The following SHISA9 variants were observed in gnomAD, a reference collection of about 807,000 sequenced individuals.
The protein encoded by SHISA9 is shisa family member 9, also known as protein shisa-9.
In SHISA9, 13 loss-of-function variants were observed where a neutral mutation model predicts 38.0. The observed-to-expected ratio is 0.34, with a 90% CI of 0.22 to 0.54. The LOEUF is 0.54. Among genes scored for constraint, SHISA9 ranks in the 20% least tolerant of loss-of-function variants. The pLI is 0.91. For synonymous variants in SHISA9, 275 were observed against 242.0 expected (o/e 1.14, Z -1.27); for missense variants, 538 against 575.8 (o/e 0.93, Z 0.67).
At chr16:13,464,948 AGG>A in the SHISA9 span, among the ~76,000 whole-genome samples, 4 of 152,124 alleles carry the variant, frequency 2.6e-5, no homozygotes, top group South Asian at 6.2e-4. Context: ...GTTGATATTT[AGG>A]GGCCTAGTGG....
At chr16:13,384,557 A>G in the SHISA9 span, among the ~76,000 whole-genome samples, 2 of 152,210 alleles carry the variant, frequency 1.3e-5, no homozygotes, top group African/African-American at 2.4e-5. Flanking sequence ...ACCAAGAGCC[A>G]GGAAGCAATG....
the SHISA9 span, among the ~76,000 whole-genome samples, chr16:13,523,212 T>G: frequency 6.6e-6 from 1 of 152,042 alleles, no homozygotes; most frequent in South Asian, 2.1e-4. Context: ...TAGCCAGGCA[T>G]GGTGGCAGGC....
At chr16:12,960,344 G>A (rs550140285) in intron 2 of SHISA9, among the ~76,000 whole-genome samples, 3 of 152,158 alleles carry the variant, frequency 2.0e-5, no homozygotes, top group African/African-American at 7.2e-5. Context: ...GGTTTGTTAT[G>A]TGGGTAAATG....
At chr16:12,971,002 T>C (rs1047511892) in intron 2 of SHISA9, among the ~76,000 whole-genome samples, 4 of 152,108 alleles carry the variant, frequency 2.6e-5, no homozygotes, top group African/African-American at 7.2e-5. Flanking sequence ...CAGTTAGAGA[T>C]TGACTGAAGA....
chr16:13,386,633 C>T, the SHISA9 span, among the ~76,000 whole-genome samples: 5 of 152,174 alleles, frequency 3.3e-5, no homozygotes, highest in African/African-American at 7.2e-5. Flanking sequence ...TCTTTGAAAA[C>T]GTGTAGCATG....
chr16:13,032,109 A>C (rs1236351407), intron 2 of SHISA9, among the ~76,000 whole-genome samples: 1 of 151,858 alleles, frequency 6.6e-6, no homozygotes. Context: ...TGTACCTATC[A>C]ACCTGTCATT....
the SHISA9 span, among the ~76,000 whole-genome samples, chr16:13,537,539 G>A: frequency 6.6e-6 from 1 of 152,174 alleles, no homozygotes; most frequent in African/African-American, 2.4e-5. Flanking sequence ...ACTTATTGTT[G>A]TATTATGCAG....
intron 2 of SHISA9, among the ~76,000 whole-genome samples, chr16:13,171,581 G>A (rs896192193): frequency 9.9e-5 from 15 of 152,208 alleles, no homozygotes; most frequent in African/African-American, 3.4e-4. Context: ...TCCAGCAGAG[G>A]AAATAGTACT....
chr16:13,223,065 C>T (rs1229193137), intron 4 of SHISA9, among the ~76,000 whole-genome samples: 1 of 152,098 alleles, frequency 6.6e-6, no homozygotes, highest in Non-Finnish European at 1.5e-5. Context: ...GAGATTTGAA[C>T]CCAGATCCAT....
intron 2 of SHISA9, among the ~76,000 whole-genome samples, chr16:13,163,446 G>A (rs1206667323): frequency 1.3e-5 from 2 of 152,006 alleles, no homozygotes; most frequent in Non-Finnish European, 2.9e-5. Context: ...TTTTTACTGC[G>A]ATTGCATTGA....
intron 2 of SHISA9, among the ~76,000 whole-genome samples, chr16:13,093,999 G>T (rs1395832168): frequency 1.3e-5 from 2 of 152,110 alleles, no homozygotes; most frequent in Non-Finnish European, 2.9e-5. Context: ...CCCACTGAAG[G>T]TAGGTCCCAA....
chr16:13,042,437 G>A (rs568257196), intron 2 of SHISA9, among the ~76,000 whole-genome samples: 1 of 152,088 alleles, frequency 6.6e-6, no homozygotes, highest in Non-Finnish European at 1.5e-5. Flanking sequence ...GCTGACCCAG[G>A]CTTCCCAAAC....
intron 2 of SHISA9, among the ~76,000 whole-genome samples, chr16:13,056,115 G>A (rs1170457119): frequency 6.6e-6 from 1 of 152,182 alleles, no homozygotes; most frequent in African/African-American, 2.4e-5. Context: ...CATAGCAGGT[G>A]CTTGGGAAAT....
the SHISA9 span, among the ~76,000 whole-genome samples, chr16:13,442,847 A>G: frequency 4.6e-5 from 7 of 152,320 alleles, no homozygotes; most frequent in East Asian, 1.4e-3. Context: ...GGAAGGGTGC[A>G]TGGGAGTGTA....
the SHISA9 span, among the ~76,000 whole-genome samples, chr16:13,390,865 T>A: frequency 6.6e-6 from 1 of 152,212 alleles, no homozygotes; most frequent in South Asian, 2.1e-4. Context: ...TCTTCTCATA[T>A]CTTTCACAAG....
intron 2 of SHISA9, among the ~76,000 whole-genome samples, chr16:13,113,341 A>G (rs1157308285): frequency 2.0e-5 from 3 of 152,112 alleles, no homozygotes; most frequent in Non-Finnish European, 4.4e-5. Context: ...CCAGTCACAG[A>G]GTATCTGCTG....
At chr16:13,072,124 A>T (rs939371290) in intron 2 of SHISA9, among the ~76,000 whole-genome samples, 37 of 152,196 alleles carry the variant, frequency 2.4e-4, no homozygotes, top group African/African-American at 8.2e-4. Flanking sequence ...TTCAGTGCCC[A>T]TCAGTCTCCT....
chr16:13,525,116 C>T, the SHISA9 span, among the ~76,000 whole-genome samples: 3 of 152,124 alleles, frequency 2.0e-5, no homozygotes, highest in Admixed American at 2.0e-4. Flanking sequence ...ACCGTAGTTT[C>T]CAAGACGTTG....
the SHISA9 span, among the ~76,000 whole-genome samples, chr16:13,327,102 C>T: frequency 6.6e-5 from 10 of 152,170 alleles, no homozygotes; most frequent in Non-Finnish European, 1.3e-4. Flanking sequence ...GTCTTGCCTT[C>T]AGGACACACT....
Sources: gnomAD v4.1 joint callset for allele counts (sites outside exome capture counted in the v4.1 genomes callset) on GRCh38, gnomAD v4.1.1 for gene constraint, MANE v1.5 for transcripts, NCBI Gene and HGNC (gene_info 2026-07-23, HGNC 2026-07-21) for gene names.